CPEB4: variants seen among roughly 807,000 people sequenced by gnomAD.
CPEB4 encodes the protein cytoplasmic polyadenylation element binding protein 4.
Under a neutral mutation model 72.5 loss-of-function variants are expected in CPEB4, and 12 were observed. That is an observed-to-expected ratio of 0.17 (90% confidence interval 0.11 to 0.27). The LOEUF (loss-of-function observed/expected upper bound fraction) is 0.27, where lower values mean the gene tolerates loss of function less well. Among genes scored for constraint, CPEB4 ranks in the 10% least tolerant of loss-of-function variants. The probability of loss-of-function intolerance (pLI) is 1.00; values close to 1 mark genes in which losing one functional copy is unlikely to be tolerated. For synonymous variants in CPEB4, 302 were observed against 326.3 expected, an observed-to-expected ratio of 0.93 and a Z score of 0.80; for missense variants, 614 against 908.5, an observed-to-expected ratio of 0.68 and a Z score of 4.17.
intron 2 of CPEB4, among the ~76,000 whole-genome samples, chr5:173,924,844 C>T (rs1757188198): frequency 6.6e-6 from 1 of 152,206 alleles, no homozygotes; most frequent in African/African-American, 2.4e-5. Context: ...TTCTCTGCTC[C>T]AGGCTCTGGG....
intron 2 of CPEB4, among the ~76,000 whole-genome samples, chr5:173,929,118 C>T (rs962249567): frequency 2.6e-5 from 4 of 152,100 alleles, no homozygotes; most frequent in Non-Finnish European, 4.4e-5. Flanking sequence ...TTTTCAGTGT[C>T]GCATTGTGTC....
intron 2 of CPEB4, among the ~76,000 whole-genome samples, chr5:173,922,234 C>A (rs1299348479): frequency 1.3e-5 from 2 of 151,818 alleles, no homozygotes; most frequent in East Asian, 3.9e-4. Context: ...CTTTCTCTTT[C>A]TTTCTTTCTT....
At chr5:173,909,662 T>C (rs1756569323) in intron 1 of CPEB4, among the ~76,000 whole-genome samples, 2 of 152,144 alleles carry the variant, frequency 1.3e-5, no homozygotes, top group Admixed American at 1.3e-4. Flanking sequence ...TGATAATATA[T>C]AGAGATGAAT....
At chr5:173,903,793 G>A (rs1249325478) in intron 1 of CPEB4, among the ~76,000 whole-genome samples, 1 of 152,186 alleles carries the variant, frequency 6.6e-6, no homozygotes, top group African/African-American at 2.4e-5. Flanking sequence ...ATATACTGAT[G>A]TAGGTCTTCC....
chr5:173,937,296 G>A (rs931731432), intron 3 of CPEB4, among the ~76,000 whole-genome samples: 5 of 152,118 alleles, frequency 3.3e-5, no homozygotes, highest in African/African-American at 1.2e-4. Flanking sequence ...GCCTGCCTCG[G>A]CCTTCCAAAG....
At chr5:173,898,616 A>G (rs1756110794) in intron 1 of CPEB4, among the ~76,000 whole-genome samples, 1 of 152,256 alleles carries the variant, frequency 6.6e-6, no homozygotes, top group Non-Finnish European at 1.5e-5. Flanking sequence ...AGTTTTATTC[A>G]AAATATAGCA....
intron 2 of CPEB4, among the ~76,000 whole-genome samples, chr5:173,911,758 CTTCATTCA>C (rs368468085): frequency 3.0e-4 from 42 of 139,116 alleles, no homozygotes; most frequent in Admixed American, 7.7e-4. Flanking sequence ...CTGTTGGCTC[CTTCATTCA>C]TTCATTCATT....
intron 3 of CPEB4, among the ~76,000 whole-genome samples, chr5:173,937,240 A>T (rs1757661445): frequency 6.6e-6 from 1 of 152,036 alleles, no homozygotes; most frequent in Non-Finnish European, 1.5e-5. Context: ...ATGGGGTTTT[A>T]CAATGTTGGC....
At chr5:173,929,038 A>G (rs1369898271) in intron 2 of CPEB4, among the ~76,000 whole-genome samples, 1 of 152,262 alleles carries the variant, frequency 6.6e-6, no homozygotes, top group Non-Finnish European at 1.5e-5. Context: ...GAATCATATC[A>G]CAAGGCCGGA....
chr5:173,913,493 T>A (rs72812804), intron 2 of CPEB4, among the ~76,000 whole-genome samples: 3 of 152,100 alleles, frequency 2.0e-5, no homozygotes, highest in Non-Finnish European at 4.4e-5. Flanking sequence ...CCACTGCACC[T>A]GGCCAGCACA....
rs1758232682 is a variant in CPEB4 at position 173,952,049 on chromosome 5, A to G, written c.1780+111A>G. On this transcript the variant is annotated intron_variant, in intron 8 of 9. Transcript: ENST00000265085. ...GTTAATATCCAAGAGTGAGAGTTCT[A>G]GAATCAAAATATCTGGGTTTGAATT... The G allele has an allele frequency of 4.2e-6, 3 of 717,896 alleles. No homozygotes were observed. In the South Asian group the frequency reaches 5.1e-5, roughly 12 times the overall value. The allele number at this position is 717,896 out of a possible 1,614,324, so 44.5% of individuals were successfully genotyped here.
At position 173,957,726 on chromosome 5, in the gene CPEB4, A is replaced by C. The variant is rs1415418929; in HGVS notation, c.*1589A>C. On this transcript the variant is annotated 3_prime_UTR_variant, in exon 10 of 10. Coordinates refer to ENST00000265085, the MANE Select transcript of CPEB4 (RefSeq NM_030627.4). ...GGCAATCTTGCTAGTTGCGCTACCT[A>C]ACAGTACCATCTTGGATCCTTCAAA... is the stretch of plus-strand genomic sequence containing the variant. The C allele has an allele frequency of 6.5e-6, 1 of 152,782 alleles. No homozygotes were observed. The highest frequency in any genetic ancestry group is 1.5e-5 in the Non-Finnish European group (1 of 68,046). 9.5% of individuals were successfully genotyped at this position (152,782 alleles called of 1,614,324 possible).
chr5:173,904,349 T>C (rs964874414), intron 1 of CPEB4, among the ~76,000 whole-genome samples: 1 of 152,242 alleles, frequency 6.6e-6, no homozygotes, highest in Non-Finnish European at 1.5e-5. Flanking sequence ...GTACTGTTAC[T>C]ACCACCAGTA....
Position 173,932,443 on chromosome 5 carries a change from C to T in CPEB4, c.1208-7C>T. ...TAAACTTAGTAACGGCCTTCTTTTACCTTCAGGTCGTCTAAACTATTCATA... is the reference window on the plus strand; with the variant it reads ...TAAACTTAGTAACGGCCTTCTTTTATCTTCAGGTCGTCTAAACTATTCATA... On this transcript the variant is annotated splice_polypyrimidine_tract_variant and splice_region_variant and intron_variant, in intron 2 of 9. Coordinates refer to ENST00000265085, the MANE Select transcript of CPEB4 (RefSeq NM_030627.4). 6.2e-7 allele frequency: 1 copy of T among 1,609,086 alleles called. No individual in the cohort carries two copies.
rs773542960 is a variant in CPEB4 at position 173,949,943 on chromosome 5, T to C, written c.1547-17T>C. 5.8e-6 allele frequency: 9 copies of C among 1,539,396 alleles called. No homozygotes were observed. Among genetic ancestry groups the C allele is most frequent in the Non-Finnish European group, 8.1e-6 (9 of 1,115,886 alleles). On this transcript the variant is annotated splice_polypyrimidine_tract_variant and intron_variant, in intron 6 of 9. Transcript: ENST00000265085. ...AAATAGGAAAACATGTAAGCCTTCT[T>C]TCCCCCTTTTTTCCAGGCTATGCAT...
At chr5:173,946,550 A>G (rs999730128) in intron 5 of CPEB4, among the ~76,000 whole-genome samples, 1 of 152,178 alleles carries the variant, frequency 6.6e-6, no homozygotes, top group Non-Finnish European at 1.5e-5. Flanking sequence ...GAAAATGCAG[A>G]TGGAAACAGA....
At chr5:173,891,208 T>C (rs1265004086) in intron 1 of CPEB4, among the ~76,000 whole-genome samples, 3 of 152,328 alleles carry the variant, frequency 2.0e-5, no homozygotes. Flanking sequence ...GATATAAATA[T>C]ATTTCATTGC....
intron 2 of CPEB4, among the ~76,000 whole-genome samples, chr5:173,928,726 G>T (rs1215211037): frequency 6.6e-6 from 1 of 152,116 alleles, no homozygotes; most frequent in African/African-American, 2.4e-5. Context: ...GTGCAAAAAG[G>T]TTGTAGATAA....
At chr5:173,947,292 C>T (rs1180955377) in intron 5 of CPEB4, among the ~76,000 whole-genome samples, 3 of 151,942 alleles carry the variant, frequency 2.0e-5, no homozygotes, top group African/African-American at 7.3e-5. Flanking sequence ...CATTTTTTCC[C>T]ATTCATCCCT....
Sources: allele counts gnomAD v4.1 joint callset (sites outside exome capture counted in the v4.1 genomes callset), GRCh38; gene constraint gnomAD v4.1.1; transcripts MANE v1.5; gene names NCBI Gene and HGNC (gene_info 2026-07-23, HGNC 2026-07-21).